Variants in ZBBX observed in about 807,000 individuals in gnomAD.
The protein encoded by ZBBX is zinc finger B-box domain-containing protein 1.
In ZBBX, 101 loss-of-function variants were observed where a neutral mutation model predicts 108.5. The observed-to-expected ratio is 0.93, with a 90% CI of 0.79 to 1.10. The LOEUF (loss-of-function observed/expected upper bound fraction) is 1.10, where lower values mean the gene tolerates loss of function less well. Ranked by LOEUF, ZBBX falls within the 50% of genes least tolerant of loss-of-function variation. The probability of loss-of-function intolerance (pLI) is 0.00; values close to 1 mark genes in which losing one functional copy is unlikely to be tolerated. For missense variants in ZBBX, 1,009 were observed against 941.4 expected (o/e 1.07, Z -0.94); for synonymous variants, 356 against 323.4 (o/e 1.10, Z -1.08).
chr3:167,243,226 T>C (rs1720984902), intron 20 of ZBBX, among the ~76,000 whole-genome samples: 1 of 152,208 alleles, frequency 6.6e-6, no homozygotes, highest in Non-Finnish European at 1.5e-5. Context: ...TTTAGGCAAA[T>C]GTATCTTCAT....
chr3:167,208,373 G>T, the ZBBX span, among the ~76,000 whole-genome samples: 1 of 152,202 alleles, frequency 6.6e-6, no homozygotes, highest in African/African-American at 2.4e-5. Context: ...TCCAACAAAT[G>T]TCAGTGCAGC....
At chr3:167,228,567 T>A in the ZBBX span, among the ~76,000 whole-genome samples, 4 of 151,826 alleles carry the variant, frequency 2.6e-5, no homozygotes, top group African/African-American at 7.2e-5. Context: ...ATAGTTGTGG[T>A]CCCACAATGC....
chr3:167,184,392 G>A, the ZBBX span, among the ~76,000 whole-genome samples: 2 of 152,062 alleles, frequency 1.3e-5, no homozygotes, highest in Non-Finnish European at 2.9e-5. Context: ...AGTTGGCCAG[G>A]CTGGTGTCGA....
At chr3:167,354,287 C>A (rs1743164256) in intron 8 of ZBBX, among the ~76,000 whole-genome samples, 1 of 151,742 alleles carries the variant, frequency 6.6e-6, no homozygotes, top group Admixed American at 6.6e-5. Flanking sequence ...TGAATACATA[C>A]TGTTTTTACA....
rs140155226 is a variant in ZBBX at position 167,388,404 on chromosome 3, T to A, written c.-445-7999A>T. On this transcript the variant is annotated intron_variant, in intron 1 of 21. Coordinates refer to the ZBBX transcript ENST00000455345. ...TACGAACAGGCTTTAAACAGAGGAG[T>A]GACAACTGATTTATATTTTTATAAG... Among the ~76,000 whole-genome samples, 3 of 150,964 alleles carry A rather than the reference T, an allele frequency of 2.0e-5. No individual in the cohort carries two copies. In the East Asian group the frequency reaches 5.9e-4, roughly 30 times the overall value.
At chr3:167,189,186 G>A in the ZBBX span, among the ~76,000 whole-genome samples, 1 of 152,184 alleles carries the variant, frequency 6.6e-6, no homozygotes, top group South Asian at 2.1e-4. Flanking sequence ...CAAAGTACCT[G>A]TCCGCTATAT....
chr3:167,343,744 A>G (rs1259459791), intron 9 of ZBBX, among the ~76,000 whole-genome samples: 2 of 151,928 alleles, frequency 1.3e-5, no homozygotes. Flanking sequence ...AGGTAGAGAA[A>G]TCAGAACTCT....
At chr3:167,204,964 GT>G in the ZBBX span, among the ~76,000 whole-genome samples, 1 of 151,976 alleles carries the variant, frequency 6.6e-6, no homozygotes, top group Non-Finnish European at 1.5e-5. Flanking sequence ...GATAAATTTG[GT>G]TCTTACTATT....
intron 12 of ZBBX, among the ~76,000 whole-genome samples, chr3:167,321,397 C>T (rs1266234423): frequency 6.6e-6 from 1 of 151,994 alleles, no homozygotes; most frequent in Non-Finnish European, 1.5e-5. Flanking sequence ...AAACAGATTA[C>T]AGTTCAATGA....
intron 20 of ZBBX, among the ~76,000 whole-genome samples, chr3:167,270,535 T>C (rs747263993): frequency 1.3e-4 from 20 of 152,072 alleles, no homozygotes; most frequent in Non-Finnish European, 2.4e-4. Flanking sequence ...AATAATGGAG[T>C]GGCTATAGGA....
intron 8 of ZBBX, among the ~76,000 whole-genome samples, chr3:167,358,478 C>G (rs1228649200): frequency 1.3e-5 from 2 of 152,030 alleles, no homozygotes; most frequent in East Asian, 3.9e-4. Flanking sequence ...ATACTTAATG[C>G]TACTAAACTG....
At chr3:167,384,657 C>T (rs1382940127), upstream of ZBBX, among the ~76,000 whole-genome samples, 3 of 152,040 alleles carry the variant, frequency 2.0e-5, no homozygotes, top group Non-Finnish European at 2.9e-5. Flanking sequence ...GGAGAAACTA[C>T]AGAAGACATA....
At chr3:167,404,358 T>A (rs1321150006) in intron 1 of ZBBX, among the ~76,000 whole-genome samples, 1 of 152,116 alleles carries the variant, frequency 6.6e-6, no homozygotes, top group Non-Finnish European at 1.5e-5. Flanking sequence ...AATAGACAAA[T>A]TCATAGTTAT....
chr3:167,319,585 T>C (rs1188880542), intron 12 of ZBBX, among the ~76,000 whole-genome samples: 1 of 152,000 alleles, frequency 6.6e-6, no homozygotes, highest in African/African-American at 2.4e-5. Flanking sequence ...AAATGAGCAC[T>C]ATGGCCAAAG....
At chr3:167,403,599 G>T (rs1461588541) in intron 1 of ZBBX, among the ~76,000 whole-genome samples, 1 of 151,828 alleles carries the variant, frequency 6.6e-6, no homozygotes, top group Non-Finnish European at 1.5e-5. Flanking sequence ...TATATTGTGA[G>T]GTTAATAATA....
chr3:167,373,818 T>C (rs1390353198), intron 2 of ZBBX, 31 bp from the exon 3 acceptor site: 4 of 152,138 alleles, frequency 2.6e-5, no homozygotes, highest in African/African-American at 9.7e-5. Flanking sequence ...ATGGAAGTGG[T>C]AGACGACATG....
At chr3:167,179,425 A>G in the ZBBX span, among the ~76,000 whole-genome samples, 1 of 152,268 alleles carries the variant, frequency 6.6e-6, no homozygotes, top group South Asian at 2.1e-4. Context: ...CTAGGCCATC[A>G]GCCATTTGAT....
chr3:167,274,507 G>A (rs185421469), intron 20 of ZBBX, among the ~76,000 whole-genome samples: 2 of 152,266 alleles, frequency 1.3e-5, no homozygotes, highest in Admixed American at 6.5e-5. Flanking sequence ...AATTTAAAAG[G>A]GAGGAATTGT....
upstream of ZBBX, among the ~76,000 whole-genome samples, chr3:167,380,989 T>C (rs1159023208): frequency 6.6e-6 from 1 of 151,988 alleles, no homozygotes; most frequent in East Asian, 1.9e-4. Flanking sequence ...AAATATGCTG[T>C]TTTTTATCTC....
Sources: allele counts gnomAD v4.1 joint callset (sites outside exome capture counted in the v4.1 genomes callset), GRCh38; gene constraint gnomAD v4.1.1; transcripts MANE v1.5; gene names NCBI Gene and HGNC (gene_info 2026-07-23, HGNC 2026-07-21).